DICER1: variants seen among roughly 807,000 people sequenced by gnomAD.
DICER1 encodes the protein endoribonuclease Dicer.
In DICER1, 43 loss-of-function variants were observed where a neutral mutation model predicts 194.1. That is an observed-to-expected ratio of 0.22 (90% CI 0.17 to 0.29). DICER1 has a LOEUF of 0.29. Among genes scored for constraint, DICER1 ranks in the 10% least tolerant of loss-of-function variants. The pLI is 1.00. For synonymous variants in DICER1, 832 were observed against 820.5 expected (o/e 1.01, Z -0.24); for missense variants, 1,608 against 2,317.0 (o/e 0.69, Z 6.28).
intron 1 of DICER1, among the ~76,000 whole-genome samples, chr14:95,136,174 T>C (rs1333888112): frequency 2.0e-5 from 3 of 152,214 alleles, no homozygotes; most frequent in African/African-American, 7.2e-5. Flanking sequence ...ATTTTTGTCC[T>C]ATTATTCTTG....
At chr14:95,130,305 A>C in intron 4 of DICER1, 113 bp from the exon 5 acceptor site, 3 of 1,037,960 alleles carry the variant, frequency 2.9e-6, no homozygotes, top group Non-Finnish European at 4.3e-6. Context: ...GGAATTCATT[A>C]GTCAAAATTA....
At chr14:95,133,974 T>C (rs1423432581) in intron 1 of DICER1, among the ~76,000 whole-genome samples, 2 of 152,178 alleles carry the variant, frequency 1.3e-5, no homozygotes, top group African/African-American at 2.4e-5. Context: ...TATGTACATA[T>C]ATAAAATATG....
chr14:95,131,161 C>T (rs900824416), intron 4 of DICER1, among the ~76,000 whole-genome samples: 1 of 152,038 alleles, frequency 6.6e-6, no homozygotes, highest in Non-Finnish European at 1.5e-5. Flanking sequence ...TCCCGAGTAC[C>T]TAGGACTACT....
chr14:95,157,746 A>C (rs1217338213), upstream of DICER1: 1 of 151,946 alleles, frequency 6.6e-6, no homozygotes, highest in African/African-American at 2.4e-5. Flanking sequence ...AGTTGCCCGG[A>C]GTTTTTGGGG....
intron 1 of DICER1, among the ~76,000 whole-genome samples, chr14:95,145,477 G>A (rs1895073156): frequency 6.6e-6 from 1 of 151,964 alleles, no homozygotes; most frequent in South Asian, 2.1e-4. Flanking sequence ...CTGTTTCTTA[G>A]GCAATAAAAT....
rs1476646752 is a variant in DICER1 at position 95,086,885 on chromosome 14, A to G, written c.*3613T>C. The G allele has an allele frequency of 4.3e-6, 1 of 232,750 alleles. No individual in the cohort carries two copies. The highest frequency in any genetic ancestry group is 6.1e-5 in the East Asian group (1 of 16,400). The allele number at this position is 232,750 out of a possible 1,614,324, so 14.4% of individuals were successfully genotyped here. A position where few individuals can be genotyped will look rare whatever the true frequency, so the allele number is the denominator to read the frequency against. ...ATTCAAATGTAATTAAAACAACCAT[A>G]TAGGTAATAAACATGACATGAGTTT... is the stretch of plus-strand genomic sequence containing the variant. On this transcript the variant is annotated 3_prime_UTR_variant, in exon 27 of 27. Coordinates refer to ENST00000343455, the MANE Select transcript of DICER1 (RefSeq NM_177438.3).
intron 8 of DICER1, among the ~76,000 whole-genome samples, chr14:95,123,860 A>C (rs573774526): frequency 4.5e-4 from 68 of 152,248 alleles, no homozygotes; most frequent in Non-Finnish European, 8.7e-4. Flanking sequence ...TTAAGGATTA[A>C]TAAATATCTG....
Position 95,087,876 on chromosome 14 carries a change from A to AACACAGGGTGGC in DICER1, c.*2610_*2621dup, listed in dbSNP as rs1595302289. 1.7e-5 allele frequency: 4 copies of AACACAGGGTGGC among 233,054 alleles called. No homozygotes were observed. The East Asian group carries it at 2.4e-4, about 14-fold the overall frequency. 14.4% of individuals were successfully genotyped at this position (233,054 alleles called of 1,614,324 possible). ...TTCGGTCTCACATTGCAATCACAGG[A>AACACAGGGTGGC]ACACAGGGTGGCACACAGGGCTCTA... On this transcript the variant is annotated 3_prime_UTR_variant, in exon 27 of 27. Transcript: ENST00000343455.
At chr14:95,138,791 G>A (rs12432281) in intron 1 of DICER1, among the ~76,000 whole-genome samples, 7,455 of 131,652 alleles carry the variant, frequency 0.057, 457 homozygotes, top group East Asian at 0.3. Context: ...CACAGGAAGG[G>A]GAATATCACA....
At chr14:95,107,329 C>A (rs543946370) in intron 17 of DICER1, among the ~76,000 whole-genome samples, 1 of 151,474 alleles carries the variant, frequency 6.6e-6, no homozygotes. Context: ...CAGCTCACTG[C>A]AATCTCCGCC....
intron 13 of DICER1, among the ~76,000 whole-genome samples, chr14:95,111,854 T>C (rs1398555414): frequency 6.6e-6 from 1 of 152,066 alleles, no homozygotes; most frequent in Admixed American, 6.5e-5. Flanking sequence ...TTTGAGAGAC[T>C]GACATATTAA....
chr14:95,109,941 A>G (rs961264532), intron 14 of DICER1, among the ~76,000 whole-genome samples: 1 of 152,222 alleles, frequency 6.6e-6, no homozygotes, highest in Non-Finnish European at 1.5e-5. Context: ...ACTGTGCCTA[A>G]TTTATATCTT....
intron 14 of DICER1, among the ~76,000 whole-genome samples, chr14:95,110,494 T>G (rs897000670): frequency 6.6e-6 from 1 of 151,962 alleles, no homozygotes; most frequent in Non-Finnish European, 1.5e-5. Flanking sequence ...CAACCCCACA[T>G]AGAGACAGTG....
At chr14:95,143,171 T>A (rs1419713668) in intron 1 of DICER1, among the ~76,000 whole-genome samples, 1 of 152,088 alleles carries the variant, frequency 6.6e-6, no homozygotes, top group African/African-American at 2.4e-5. Flanking sequence ...ACTAAAAAAA[T>A]GTATGAAGCA....
At position 95,107,798 on chromosome 14, in the gene DICER1, C is replaced by T. The variant is rs201451431; in HGVS notation, c.2651-37G>A. ...AAAACGACTCTTTAGCTTGTTAAAA[C>T]ATGATACAGATAAGTTTCATACCAA... On this transcript the variant is annotated intron_variant, in intron 16 of 26. Coordinates refer to ENST00000343455, the MANE Select transcript of DICER1 (RefSeq NM_177438.3). 1.8e-4 allele frequency: 291 copies of T among 1,612,170 alleles called. No individual in the cohort carries two copies. Among genetic ancestry groups the T allele is most frequent in the Middle Eastern group, 6.6e-4 (4 of 6,074 alleles).
intron 1 of DICER1, among the ~76,000 whole-genome samples, chr14:95,137,333 A>G (rs909074146): frequency 1.4e-5 from 2 of 142,980 alleles, no homozygotes; most frequent in Non-Finnish European, 1.5e-5. Flanking sequence ...GAGGAAAGGG[A>G]AAGGGGAAGG....
chr14:95,111,621 T>C (rs1195813803), intron 13 of DICER1, among the ~76,000 whole-genome samples, 165 bp from the exon 14 acceptor site: 1 of 152,212 alleles, frequency 6.6e-6, no homozygotes, highest in African/African-American at 2.4e-5. Flanking sequence ...TCAGGCAAAG[T>C]CTATTTTGGC....
chr14:95,115,947 C>T lies in DICER1; in HGVS notation c.1753-126G>A. The T allele has an allele frequency of 3.2e-6, 3 of 930,968 alleles. 1 individual carries two copies. Among genetic ancestry groups the T allele is most frequent in the South Asian group, 2.8e-5 (2 of 71,802 alleles). 57.7% of individuals were successfully genotyped at this position (930,968 alleles called of 1,614,324 possible). On this transcript the variant is annotated intron_variant, in intron 10 of 26. Coordinates refer to ENST00000343455, the MANE Select transcript of DICER1 (RefSeq NM_177438.3). ...TCTCTCTCCTAAACATACTTCAGTA[C>T]TCCAAAGTAACCTGCTGCAGACACC...
chr14:95,088,249 A>C lies in DICER1; in HGVS notation c.*2249T>G, dbSNP rs1889496843. 1.7e-5 allele frequency: 4 copies of C among 232,188 alleles called. No homozygotes were observed. The highest frequency in any genetic ancestry group is 3.4e-5 in the Non-Finnish European group (4 of 117,200). The allele number at this position is 232,188 out of a possible 1,614,324, so 14.4% of individuals were successfully genotyped here. ...AAGTTTGAACATCTTAGTATTAACAAAAAAATACTCTTCTTAAGGTTACAA... is the reference window on the plus strand; with the variant it reads ...AAGTTTGAACATCTTAGTATTAACACAAAAATACTCTTCTTAAGGTTACAA... On this transcript the variant is annotated 3_prime_UTR_variant, in exon 27 of 27. Transcript: ENST00000343455.
Sources: gnomAD v4.1 joint callset for allele counts (sites outside exome capture counted in the v4.1 genomes callset) on GRCh38, gnomAD v4.1.1 for gene constraint, MANE v1.5 for transcripts, NCBI Gene and HGNC (gene_info 2026-07-23, HGNC 2026-07-21) for gene names.